The following ENOX2 variants were observed in gnomAD, a reference collection of about 807,000 sequenced individuals.
The protein encoded by ENOX2 is APK1 antigen.
Under a neutral mutation model 45.0 loss-of-function variants are expected in ENOX2, and 36 were observed. The observed-to-expected ratio is 0.80, with a 90% CI of 0.61 to 1.06. ENOX2 has a LOEUF of 1.06. Ranked by LOEUF, ENOX2 falls within the 50% of genes least tolerant of loss-of-function variation. ENOX2 has a pLI of 0.00. For synonymous variants in ENOX2, 174 were observed against 152.3 expected, an observed-to-expected ratio of 1.14 and a Z score of -1.05; for missense variants, 423 against 462.5, an observed-to-expected ratio of 0.91 and a Z score of 0.78.
intron 3 of ENOX2, among the ~76,000 whole-genome samples, chrX:130,735,474 G>A (rs1313402828): frequency 8.9e-6 from 1 of 111,837 alleles, no homozygotes; most frequent in Non-Finnish European, 1.9e-5. Context: ...GAGGGAAGGT[G>A]ACCTCCTGGT....
intron 3 of ENOX2, among the ~76,000 whole-genome samples, chrX:130,732,009 T>C (rs1447694791): frequency 8.9e-6 from 1 of 111,835 alleles, no homozygotes; most frequent in African/African-American, 3.3e-5. Context: ...CCAGAGCAAT[T>C]AGGCAAGAAA....
chrX:130,742,779 G>C (rs2039015819), intron 3 of ENOX2, among the ~76,000 whole-genome samples: 1 of 110,760 alleles, frequency 9.0e-6, no homozygotes, highest in Admixed American at 9.6e-5. Context: ...AAGTCTGTCT[G>C]TTGTCAAAGC....
intron 3 of ENOX2, among the ~76,000 whole-genome samples, chrX:130,723,704 G>C (rs2148277719): frequency 9.0e-6 from 1 of 111,443 alleles, no homozygotes; most frequent in South Asian, 3.8e-4. Context: ...ATCTGGTTTT[G>C]TCTAAGGGAC....
intron 13 of ENOX2, among the ~76,000 whole-genome samples, chrX:130,630,964 AAAACAAACAAAC>A (rs76578446): frequency 5.0e-5 from 5 of 99,873 alleles, no homozygotes; most frequent in African/African-American, 1.5e-4. Context: ...TCTGGAGGTT[AAAACAAACAAAC>A]AAACAAACAA....
At chrX:130,829,946 A>G (rs181940803) in intron 2 of ENOX2, among the ~76,000 whole-genome samples, 25 of 111,840 alleles carry the variant, frequency 2.2e-4, no homozygotes, top group Middle Eastern at 4.6e-3. Context: ...TAGAGTTAAG[A>G]AGAACCTTAA....
In ENOX2 at chrX:130,818,115, C is replaced by T. The variant is rs752088320; in HGVS notation, c.-182-34425G>A. Among the ~76,000 whole-genome samples, 4 of 111,914 alleles carry T rather than the reference C, an allele frequency of 3.6e-5. No individual in the cohort carries two copies. In the East Asian group the frequency reaches 1.1e-3, roughly 31 times the overall value. On this transcript the variant is annotated intron_variant, in intron 2 of 14. Transcript: ENST00000394363. The stretch of plus-strand genomic sequence containing the variant: ...TGCAAAAATCACAAGCATTCCTATA[C>T]ACCAATTATAGACAGCCAAATCATG...
chrX:130,789,959 C>T (rs2077018612), intron 2 of ENOX2, among the ~76,000 whole-genome samples: 1 of 112,575 alleles, frequency 8.9e-6, no homozygotes, highest in Non-Finnish European at 1.9e-5. Flanking sequence ...GGAATATTTA[C>T]AATGTCCAAA....
At chrX:130,845,564 C>G (rs1174703424) in intron 2 of ENOX2, among the ~76,000 whole-genome samples, 1 of 112,464 alleles carries the variant, frequency 8.9e-6, no homozygotes, top group Non-Finnish European at 1.9e-5. Flanking sequence ...CTCCTGGGCT[C>G]AAGCAATTCT....
chrX:130,635,180 G>A, intron 11 of ENOX2, 89 bp from the exon 12 acceptor site: 1 of 498,888 alleles, frequency 2.0e-6, no homozygotes, highest in South Asian at 4.1e-5. Flanking sequence ...TATCAGGTGG[G>A]CCTGCCTCAC....
In ENOX2 at chrX:130,867,568, A is replaced by C. The variant is rs140173336; in HGVS notation, c.-183+34116T>G. 4.0e-3 allele frequency among the ~76,000 whole-genome samples: 453 copies of C among 111,951 alleles called. 3 individuals carry two copies. The highest frequency in any genetic ancestry group is 0.014 in the African/African-American group (430 of 30,940). On this transcript the variant is annotated intron_variant, in intron 2 of 14. Transcript: ENST00000394363. ...CAAATCTTCCAATGTTACACATTTCATTACACAATATTCTCAAATTAGTTA... is the reference window on the plus strand; with the variant it reads ...CAAATCTTCCAATGTTACACATTTCCTTACACAATATTCTCAAATTAGTTA...
intron 2 of ENOX2, among the ~76,000 whole-genome samples, chrX:130,824,833 A>G (rs1203241215): frequency 8.9e-6 from 1 of 111,941 alleles, no homozygotes; most frequent in Non-Finnish European, 1.9e-5. Flanking sequence ...GTGAGACATT[A>G]TTTCATACCT....
intron 5 of ENOX2, among the ~76,000 whole-genome samples, chrX:130,680,990 G>A (rs1303166395): frequency 9.0e-6 from 1 of 111,278 alleles, no homozygotes; most frequent in African/African-American, 3.3e-5. Context: ...CCCTGTATTT[G>A]GTCAAAAAAA....
intron 3 of ENOX2, among the ~76,000 whole-genome samples, chrX:130,755,661 C>T (rs1475254292): frequency 9.1e-6 from 1 of 110,481 alleles, no homozygotes; most frequent in Non-Finnish European, 1.9e-5. Flanking sequence ...TATAGGGATG[C>T]AATGCATAAT....
At chrX:130,841,520 C>T (rs2078013991) in intron 2 of ENOX2, among the ~76,000 whole-genome samples, 1 of 112,245 alleles carries the variant, frequency 8.9e-6, no homozygotes, top group Admixed American at 9.4e-5. Context: ...GAGGAATAAA[C>T]AGCAGAATTT....
At chrX:130,739,425 C>T (rs12845380) in intron 3 of ENOX2, among the ~76,000 whole-genome samples, 14 of 112,273 alleles carry the variant, frequency 1.2e-4, no homozygotes, top group Non-Finnish European at 2.1e-4. Flanking sequence ...TTTTGACTTA[C>T]GGTATTTTCA....
intron 5 of ENOX2, among the ~76,000 whole-genome samples, chrX:130,685,299 AC>A (rs757968580): frequency 9.0e-6 from 1 of 111,216 alleles, no homozygotes; most frequent in Non-Finnish European, 1.9e-5. Context: ...ATCATATCTG[AC>A]CTTCTAGGCA....
intron 3 of ENOX2, among the ~76,000 whole-genome samples, chrX:130,752,163 CCTTT>C (rs752876655): frequency 4.7e-4 from 52 of 110,364 alleles, no homozygotes; most frequent in Non-Finnish European, 8.9e-4. Context: ...CCCTCCTTAA[CCTTT>C]CTTTTTTAGT....
intron 2 of ENOX2, among the ~76,000 whole-genome samples, chrX:130,865,120 C>G (rs1384064641): frequency 9.3e-6 from 1 of 107,997 alleles, no homozygotes; most frequent in Non-Finnish European, 1.9e-5. Context: ...TGAGCCAATA[C>G]CAAAATAAGT....
chrX:130,648,785 C>T (rs1393580313), intron 10 of ENOX2, among the ~76,000 whole-genome samples: 1 of 109,019 alleles, frequency 9.2e-6, no homozygotes, highest in Non-Finnish European at 1.9e-5. Flanking sequence ...CTTGGTGGCT[C>T]ATGCTTGTGA....
Sources: gnomAD v4.1 joint callset for allele counts (sites outside exome capture counted in the v4.1 genomes callset) on GRCh38, gnomAD v4.1.1 for gene constraint, MANE v1.5 for transcripts, NCBI Gene and HGNC (gene_info 2026-07-23, HGNC 2026-07-21) for gene names.